The following TENT4B variants were observed in gnomAD, a reference collection of about 807,000 sequenced individuals.
The protein encoded by TENT4B is terminal nucleotidyltransferase 4B.
In TENT4B, 10 loss-of-function variants were observed where a neutral mutation model predicts 75.0. The observed-to-expected ratio is 0.13, with a 90% CI of 0.08 to 0.23. The LOEUF is 0.23. TENT4B is among the 10% of genes least tolerant of loss of function. The pLI, the probability that TENT4B is intolerant of heterozygous loss-of-function variation, is 1.00. For missense variants in TENT4B, 579 were observed against 893.8 expected (o/e 0.65, Z 4.49); for synonymous variants, 350 against 357.7 (o/e 0.98, Z 0.24).
intron 1 of TENT4B, among the ~76,000 whole-genome samples, chr16:50,185,265 G>A (rs775453691): frequency 2.0e-5 from 3 of 152,140 alleles, no homozygotes; most frequent in Non-Finnish European, 4.4e-5. Flanking sequence ...CTTGTATATC[G>A]AGAGGAATGC....
At position 50,234,933 on chromosome 16, in the gene TENT4B, TTCA is replaced by T; in HGVS notation, c.*5606_*5608del. 1 of 985,824 alleles carries T rather than the reference TTCA, an allele frequency of 1.0e-6. No homozygotes were observed. The highest frequency in any genetic ancestry group is 1.2e-6 in the Non-Finnish European group (1 of 829,866). 61.1% of individuals were successfully genotyped at this position (985,824 alleles called of 1,614,324 possible). The stretch of plus-strand genomic sequence containing the variant: ...ATTTCCTTCTTTGATTAGCATTGTC[TTCA>T]GTGTTAAGAAATGTGGACTCCTGTG... On this transcript the variant is annotated 3_prime_UTR_variant, in exon 12 of 12. Transcript: ENST00000561678.
chr16:50,204,904 T>G (rs1160065408), intron 1 of TENT4B, among the ~76,000 whole-genome samples: 1 of 152,174 alleles, frequency 6.6e-6, no homozygotes. Flanking sequence ...ACTGCATTCC[T>G]GGGTTTGGAG....
intron 1 of TENT4B, among the ~76,000 whole-genome samples, chr16:50,188,647 A>G (rs1374279185): frequency 6.6e-6 from 1 of 152,166 alleles, no homozygotes; most frequent in East Asian, 1.9e-4. Context: ...ATATTATGAA[A>G]CATTGCTTTA....
intron 10 of TENT4B, among the ~76,000 whole-genome samples, chr16:50,226,952 T>G (rs2032084823): frequency 6.6e-6 from 1 of 152,230 alleles, no homozygotes; most frequent in Non-Finnish European, 1.5e-5. Flanking sequence ...GATAGAATTT[T>G]TTTTGTTCCC....
chr16:50,155,229 T>A (rs1287042327), intron 1 of TENT4B, among the ~76,000 whole-genome samples: 1 of 151,738 alleles, frequency 6.6e-6, no homozygotes, highest in African/African-American at 2.4e-5. Flanking sequence ...AATAGGTCAC[T>A]GAATCTTATT....
chr16:50,182,891 C>CGTTTTTTTTTT (rs2038443698), intron 1 of TENT4B, among the ~76,000 whole-genome samples: 1 of 36,458 alleles, frequency 2.7e-5, no homozygotes, highest in Non-Finnish European at 5.1e-5. Flanking sequence ...TTTATTTTAC[C>CGTTTTTTTTTT]TTTTTTTTTT....
intron 1 of TENT4B, among the ~76,000 whole-genome samples, chr16:50,200,001 T>G (rs563559528): frequency 2.0e-5 from 3 of 152,136 alleles, no homozygotes; most frequent in Non-Finnish European, 4.4e-5. Flanking sequence ...GGACATTGGT[T>G]TTCAGTTCAT....
intron 10 of TENT4B, among the ~76,000 whole-genome samples, chr16:50,225,503 C>T (rs1014686107): frequency 1.3e-5 from 2 of 152,168 alleles, no homozygotes; most frequent in South Asian, 2.1e-4. Flanking sequence ...CATGTACTCA[C>T]CAGTAGATTC....
At chr16:50,161,005 T>C (rs547312043) in intron 1 of TENT4B, among the ~76,000 whole-genome samples, 2 of 152,330 alleles carry the variant, frequency 1.3e-5, no homozygotes, top group African/African-American at 4.8e-5. Flanking sequence ...ACCTGGTATT[T>C]GCTGTTTCCT....
rs755481341 is a variant in TENT4B, at chr16:50,227,889, G to A, written c.1851G>A (p.Pro617=). 6.2e-6 allele frequency: 10 copies of A among 1,613,968 alleles called. No homozygotes were observed. The East Asian group carries it at 8.9e-5, about 14-fold the overall frequency. Residue 617 remains proline (P), a synonymous_variant, in exon 11 of 12, where the codon CCG becomes CCA. Coordinates refer to ENST00000561678, the MANE Select transcript of TENT4B (RefSeq NM_001365324.3). Reference sequence around the variant, plus strand: ...CCCCGAAACAGCTGCTTTGCCGTCCGTCCACTGGGAACCGAGTAGGGTCGC... The same window carrying A: ...CCCCGAAACAGCTGCTTTGCCGTCCATCCACTGGGAACCGAGTAGGGTCGC... ...CKTPKQLLCR[P]STGNRVGSQD... is the part of the protein sequence containing the mutation.
intron 1 of TENT4B, among the ~76,000 whole-genome samples, chr16:50,167,385 G>GTTTTT (rs34758987): frequency 7.1e-6 from 1 of 141,716 alleles, no homozygotes; most frequent in African/African-American, 2.6e-5. Flanking sequence ...CATGCTGTGG[G>GTTTTT]TTTTTTTTTT....
At chr16:50,169,796 A>G (rs2038172339) in intron 1 of TENT4B, among the ~76,000 whole-genome samples, 1 of 152,234 alleles carries the variant, frequency 6.6e-6, no homozygotes, top group South Asian at 2.1e-4. Flanking sequence ...GCATGAAGGG[A>G]AGTTAATCCT....
In TENT4B at chr16:50,153,978, G is replaced by C. The variant is rs1461064227; in HGVS notation, c.357G>C (p.Gly119=). The change falls in exon 1 of 12, where the codon GGG becomes GGC. Residue 119 remains glycine, a synonymous_variant. Transcript: ENST00000561678. ...TNNNNNHHQP[G]AWARRAGSSA... ...ACAACAACAACCACCACCAGCCCGGGGCCTGGGCCCGCCGGGCGGGCTCCT... is the reference window on the plus strand; with the variant it reads ...ACAACAACAACCACCACCAGCCCGGCGCCTGGGCCCGCCGGGCGGGCTCCT... The C allele has an allele frequency of 2.0e-6, 3 of 1,533,930 alleles. No individual in the cohort carries two copies. In the African/African-American group the frequency reaches 4.1e-5, roughly 21 times the overall value.
rs1555506870 is a variant in TENT4B, at chr16:50,155,272, G to GGTGGGT, written c.638+1016_638+1017insGGTGTG. On this transcript the variant is annotated intron_variant, in intron 1 of 11. Coordinates refer to ENST00000561678, the MANE Select transcript of TENT4B (RefSeq NM_001365324.3). ...TAAAACAAAGCTTTTGGGTCTCGTG[G>GGTGGGT]GTGTGTGTGTGTGTGTGTGTGTGTG... 2.3e-4 allele frequency among the ~76,000 whole-genome samples: 31 copies of GGTGGGT among 135,480 alleles called. 1 individual carries two copies. Among genetic ancestry groups the GGTGGGT allele is most frequent in the South Asian group, 5.2e-4 (2 of 3,838 alleles). The allele number at this position is 135,480 out of a possible 152,430, so 88.9% of individuals were successfully genotyped here. A position where few individuals can be genotyped will look rare whatever the true frequency, so the allele number is the denominator to read the frequency against.
At chr16:50,206,954 A>G (rs1366864253) in intron 1 of TENT4B, among the ~76,000 whole-genome samples, 5 of 151,248 alleles carry the variant, frequency 3.3e-5, no homozygotes, top group Non-Finnish European at 5.9e-5. Flanking sequence ...TATTTTTTAA[A>G]TATGGAATCT....
intron 1 of TENT4B, among the ~76,000 whole-genome samples, chr16:50,180,812 A>C (rs1008936274): frequency 2.0e-5 from 3 of 152,134 alleles, no homozygotes; most frequent in Non-Finnish European, 2.9e-5. Flanking sequence ...AAAATCCCTC[A>C]AGAAGGGGCA....
chr16:50,168,432 C>T (rs2038143670), intron 1 of TENT4B, among the ~76,000 whole-genome samples: 1 of 150,312 alleles, frequency 6.7e-6, no homozygotes, highest in Admixed American at 6.6e-5. Context: ...TCCTGAGTAG[C>T]TGGGATTACA....
At chr16:50,206,780 G>A (rs564378013) in intron 1 of TENT4B, among the ~76,000 whole-genome samples, 6 of 152,208 alleles carry the variant, frequency 3.9e-5, no homozygotes, top group East Asian at 3.9e-4. Context: ...TGAAGGATGC[G>A]AAATGGTTCT....
chr16:50,224,662 G>A lies in TENT4B; in HGVS notation c.1387G>A (p.Asp463Asn), dbSNP rs752156299. 1 of 1,613,918 alleles carries A rather than the reference G, an allele frequency of 6.2e-7. No individual in the cohort carries two copies. Among genetic ancestry groups the A allele is most frequent in the Non-Finnish European group, 8.5e-7 (1 of 1,179,872 alleles). Residue 463 changes from aspartate (D) to asparagine (N), a missense_variant, in exon 8 of 12, where the codon GAT (aspartate) becomes AAT (asparagine). By Grantham distance (23) the Asp-to-Asn change is conservative. This residue lies in a region of TENT4B where 71 missense variants were observed against 210.6 expected (regional missense o/e 0.34). Coordinates refer to ENST00000561678, the MANE Select transcript of TENT4B (RefSeq NM_001365324.3). ...TACGTATATTTCTTTTAAAGGTAAC[G>A]ATGTTGGAAGGAGTTCATATGGGGC... ...YIEDPLQPGN[D>N]VGRSSYGAMQ...
Sources: gnomAD v4.1 joint callset for allele counts (sites outside exome capture counted in the v4.1 genomes callset) on GRCh38, gnomAD v4.1.1 for gene constraint, gnomAD v4.1.1 regional missense constraint, MANE v1.5 for transcripts, NCBI Gene and HGNC (gene_info 2026-07-23, HGNC 2026-07-21) for gene names.